Variants in CDKL5 observed in about 807,000 individuals in gnomAD.
CDKL5 encodes the protein cyclin-dependent kinase-like 5.
CDKL5 carries 8 observed loss-of-function variants against 61.7 expected under a neutral mutation model. The ratio of observed to expected loss-of-function variants is 0.13; its 90% CI spans 0.08 to 0.23. The LOEUF is 0.23. Among genes scored for constraint, CDKL5 ranks in the 10% least tolerant of loss-of-function variants. The probability of loss-of-function intolerance (pLI) is 1.00; values close to 1 mark genes in which losing one functional copy is unlikely to be tolerated. For synonymous variants in CDKL5, 275 were observed against 272.3 expected (o/e 1.01, Z -0.10); for missense variants, 440 against 734.5 (o/e 0.60, Z 4.63).
chrX:18,596,841 G>C (rs1200104080), intron 10 of CDKL5, among the ~76,000 whole-genome samples: 1 of 112,162 alleles, frequency 8.9e-6, no homozygotes, highest in African/African-American at 3.2e-5. Flanking sequence ...CAGATTAAAA[G>C]CTAGCACAAA....
intron 14 of CDKL5, among the ~76,000 whole-genome samples, chrX:18,611,350 G>A (rs1926544451): frequency 9.2e-6 from 1 of 108,774 alleles, no homozygotes; most frequent in African/African-American, 3.4e-5. Context: ...CAGAAGAATG[G>A]CGTGAACCCG....
chrX:18,633,279 C>T lies in CDKL5; in HGVS notation c.*4522C>T. ...CAGAAAATAGTGAAATATTTCCTTGCCTCCTTCAGTTCATCACTAAGAAAG... is the reference window on the plus strand; with the variant it reads ...CAGAAAATAGTGAAATATTTCCTTGTCTCCTTCAGTTCATCACTAAGAAAG... On this transcript the variant is annotated 3_prime_UTR_variant, in exon 18 of 18. Coordinates refer to ENST00000623535, the MANE Select transcript of CDKL5 (RefSeq NM_001323289.2). The T allele has an allele frequency of 1.3e-6, 1 of 753,322 alleles. No homozygotes were observed. The highest frequency in any genetic ancestry group is 2.3e-5 in the African/African-American group (1 of 43,763). 62.1% of individuals were successfully genotyped at this position (753,322 alleles called of 1,213,427 possible).
chrX:18,484,871 A>C (rs1334094553), intron 1 of CDKL5, among the ~76,000 whole-genome samples: 1 of 107,153 alleles, frequency 9.3e-6, no homozygotes, highest in Non-Finnish European at 1.9e-5. Flanking sequence ...CGATCCTTCT[A>C]CCTCAGCCTC....
At chrX:18,647,048 C>G in intron 20 of CDKL5, 2 of 639,641 alleles carry the variant, frequency 3.1e-6, no homozygotes, top group Non-Finnish European at 4.9e-6. Flanking sequence ...TCCTGAGTAG[C>G]TGGGATTACA....
intron 3 of CDKL5, among the ~76,000 whole-genome samples, chrX:18,534,226 C>G (rs1384936597): frequency 8.9e-6 from 1 of 111,767 alleles, no homozygotes; most frequent in Non-Finnish European, 1.9e-5. Context: ...CTGGCCGACC[C>G]TATCCAGTCT....
chrX:18,647,439 A>G (rs934749915), intron 20 of CDKL5: 1 of 856,909 alleles, frequency 1.2e-6, no homozygotes, highest in African/African-American at 2.0e-5. Flanking sequence ...TCGGAGACGG[A>G]GAAGGCTTTA....
At chrX:18,563,845 T>G (rs757787480) in intron 3 of CDKL5, among the ~76,000 whole-genome samples, 2 of 112,078 alleles carry the variant, frequency 1.8e-5, no homozygotes, top group Non-Finnish European at 3.8e-5. Flanking sequence ...TTCCAGCCCT[T>G]GTTTTCTTTC....
intron 15 of CDKL5, 150 bp downstream of exon 15, chrX:18,613,425 C>A: frequency 3.9e-6 from 2 of 515,386 alleles, no homozygotes; most frequent in Non-Finnish European, 6.0e-6. Flanking sequence ...TGTGATTTTT[C>A]ATTATTGGTA....
At chrX:18,620,534 C>T (rs1310002280) in intron 16 of CDKL5, among the ~76,000 whole-genome samples, 1 of 110,781 alleles carries the variant, frequency 9.0e-6, no homozygotes, top group Non-Finnish European at 1.9e-5. Context: ...TCCTGGGAGC[C>T]CTTTGCCTGA....
intron 3 of CDKL5, among the ~76,000 whole-genome samples, chrX:18,564,063 G>A (rs1419545095): frequency 1.8e-5 from 2 of 111,593 alleles, no homozygotes; most frequent in Non-Finnish European, 3.8e-5. Context: ...TCTGCTACCA[G>A]CAACTACTGT....
chrX:18,578,171 A>C (rs1251152286), intron 5 of CDKL5, among the ~76,000 whole-genome samples: 2 of 112,382 alleles, frequency 1.8e-5, no homozygotes, highest in Non-Finnish European at 3.8e-5. Flanking sequence ...ATTCCTTGCC[A>C]GTGTTTTGTA....
At chrX:18,463,238 G>A (rs998071576) in intron 1 of CDKL5, among the ~76,000 whole-genome samples, 1 of 107,970 alleles carries the variant, frequency 9.3e-6, no homozygotes, top group Admixed American at 1.0e-4. Flanking sequence ...GGCAGAAGAC[G>A]CAAAGGCCAC....
downstream of CDKL5, chrX:18,642,247 A>G: frequency 1.0e-6 from 1 of 996,738 alleles, no homozygotes; most frequent in African/African-American, 1.9e-5. Context: ...ACTTTTAACT[A>G]TAGAAATGAT....
intron 1 of CDKL5, among the ~76,000 whole-genome samples, chrX:18,485,239 C>G (rs964609525): frequency 9.0e-6 from 1 of 110,901 alleles, no homozygotes; most frequent in African/African-American, 3.3e-5. Context: ...GATTACATCT[C>G]TTAAATATCT....
At chrX:18,576,625 T>TA (rs977101301) in intron 5 of CDKL5, among the ~76,000 whole-genome samples, 79 of 100,881 alleles carry the variant, frequency 7.8e-4, no homozygotes, top group Middle Eastern at 4.9e-3. Context: ...TTTTTTGAAA[T>TA]AAAAAAAAAA....
chrX:18,524,531 A>G (rs1441802891), intron 3 of CDKL5, among the ~76,000 whole-genome samples: 1 of 112,222 alleles, frequency 8.9e-6, no homozygotes, highest in East Asian at 2.8e-4. Context: ...TGTTTTGCAC[A>G]TATTTCCTTC....
chrX:18,531,186 G>A (rs1053449300), intron 3 of CDKL5, among the ~76,000 whole-genome samples: 1 of 111,982 alleles, frequency 8.9e-6, no homozygotes, highest in African/African-American at 3.2e-5. Flanking sequence ...CTTTCTCCCT[G>A]GACACCAAGG....
At chrX:18,622,301 A>G (rs1190089322) in intron 16 of CDKL5, among the ~76,000 whole-genome samples, 4 of 112,447 alleles carry the variant, frequency 3.6e-5, no homozygotes. Context: ...ACTGTAGAAT[A>G]TCTCTGCATA....
chrX:18,559,997 TGTA>T (rs1924743350), intron 3 of CDKL5, among the ~76,000 whole-genome samples: 1 of 109,425 alleles, frequency 9.1e-6, no homozygotes, highest in African/African-American at 3.3e-5. Context: ...TATTCCATGG[TGTA>T]TATGTGCCAC....
Sources: allele counts gnomAD v4.1 joint callset (sites outside exome capture counted in the v4.1 genomes callset), GRCh38; gene constraint gnomAD v4.1.1; transcripts MANE v1.5; gene names NCBI Gene and HGNC (gene_info 2026-07-23, HGNC 2026-07-21).